The following EPB41L4A variants were observed in gnomAD, a reference collection of about 807,000 sequenced individuals.
The protein encoded by EPB41L4A is band 4.1-like protein 4A.
EPB41L4A carries 100 observed loss-of-function variants against 108.6 expected under a neutral mutation model. The observed-to-expected ratio is 0.92, with a 90% CI of 0.78 to 1.09. The LOEUF (loss-of-function observed/expected upper bound fraction) is 1.09, where lower values mean the gene tolerates loss of function less well. Among genes scored for constraint, EPB41L4A ranks in the 50% least tolerant of loss-of-function variants. The pLI is 0.00. For synonymous variants in EPB41L4A, 319 were observed against 289.0 expected (o/e 1.10, Z -1.05); for missense variants, 1,030 against 842.7 (o/e 1.22, Z -2.75).
At chr5:112,360,506 C>G (rs1277782703) in intron 1 of EPB41L4A, among the ~76,000 whole-genome samples, 1 of 152,206 alleles carries the variant, frequency 6.6e-6, no homozygotes, top group South Asian at 2.1e-4. Context: ...AGCTCCTGAC[C>G]GCGAGTGATC....
chr5:112,329,443 C>A (rs1756406693), intron 1 of EPB41L4A, among the ~76,000 whole-genome samples: 1 of 152,096 alleles, frequency 6.6e-6, no homozygotes, highest in African/African-American at 2.4e-5. Context: ...TAATACAAAC[C>A]CTCCCTATTT....
intron 22 of EPB41L4A, among the ~76,000 whole-genome samples, chr5:112,168,433 C>CT (rs1052277325): frequency 3.3e-5 from 5 of 152,178 alleles, no homozygotes; most frequent in African/African-American, 1.2e-4. Flanking sequence ...GTTACTATCG[C>CT]TTTTTAATTA....
Position 112,266,305 on chromosome 5 carries a change from G to A in EPB41L4A, c.361C>T (p.Gln121Ter). 1 of 1,606,476 alleles carries A rather than the reference G, an allele frequency of 6.2e-7. No individual in the cohort carries two copies. The highest frequency in any genetic ancestry group is 8.5e-7 in the Non-Finnish European group (1 of 1,176,654). Residue 121 changes from glutamine to a stop codon, truncating the protein, a stop_gained, in exon 5 of 23, where the codon CAA (glutamine) becomes TAA (stop). Transcript: ENST00000261486. LOFTEE classifies it high-confidence loss of function. ...GGCAGACGGCCCTGAAGGACATCTT[G>A]CTTCACCTGCAAGAAAAACTGATAT... ...TRYQFFLQVK[Q>*]DVLQGRLPCP...
At chr5:112,233,754 T>G (rs904814925) in intron 12 of EPB41L4A, among the ~76,000 whole-genome samples, 5 of 152,158 alleles carry the variant, frequency 3.3e-5, no homozygotes, top group African/African-American at 1.2e-4. Context: ...AGACTCTTGC[T>G]AAGAGTTTTT....
Position 112,307,498 on chromosome 5 carries a change from A to T in EPB41L4A, c.100-8T>A. ...GGAACCTTTCGTTGACTTCTGCAAA[A>T]ATAATTCAGTTTTATATTTTTTAAC... On this transcript the variant is annotated splice_polypyrimidine_tract_variant and splice_region_variant and intron_variant, in intron 1 of 22. Coordinates refer to ENST00000261486, the MANE Select transcript of EPB41L4A (RefSeq NM_022140.5). 1 of 1,598,806 alleles carries T rather than the reference A, an allele frequency of 6.3e-7. No homozygotes were observed. The highest frequency in any genetic ancestry group is 8.6e-7 in the Non-Finnish European group (1 of 1,166,740).
chr5:112,170,426 CTT>C, intron 19 of EPB41L4A, 57 bp from the exon 20 acceptor site: 1 of 1,116,838 alleles, frequency 9.0e-7, no homozygotes, highest in Non-Finnish European at 1.3e-6. Context: ...ATGCTAGTAT[CTT>C]TCACAATCGG....
At chr5:112,263,708 C>T (rs1316977774) in intron 6 of EPB41L4A, 3 of 152,152 alleles carry the variant, frequency 2.0e-5, no homozygotes, top group Non-Finnish European at 4.4e-5. Context: ...ACATAGAGGG[C>T]CTCTTTCTCT....
chr5:112,150,934 G>A (rs925234378), intron 12 of EPB41L4A, among the ~76,000 whole-genome samples: 1 of 152,130 alleles, frequency 6.6e-6, no homozygotes, highest in African/African-American at 2.4e-5. Context: ...CTCACTAAAT[G>A]AGCCTATAAG....
Position 112,262,677 on chromosome 5 carries a change from A to G in EPB41L4A, c.555-96T>C, listed in dbSNP as rs942739804. 6.6e-6 allele frequency: 7 copies of G among 1,066,194 alleles called. No homozygotes were observed. In the Admixed American group the frequency reaches 1.4e-4, roughly 21 times the overall value. The allele number at this position is 1,066,194 out of a possible 1,614,324, so 66.0% of individuals were successfully genotyped here. On this transcript the variant is annotated intron_variant, in intron 6 of 22. Transcript: ENST00000261486. The stretch of plus-strand genomic sequence containing the variant: ...TTCATTGTATTCAATGGGAAAACAA[A>G]TAATACTTTTTACTAATGCAAACTT...
At chr5:112,412,031 G>A (rs766441763) in intron 1 of EPB41L4A, among the ~76,000 whole-genome samples, 2 of 152,124 alleles carry the variant, frequency 1.3e-5, no homozygotes, top group Non-Finnish European at 2.9e-5. Flanking sequence ...TCAAGATGAG[G>A]ACTCCACATT....
chr5:112,313,525 A>T (rs1296204346), intron 1 of EPB41L4A, among the ~76,000 whole-genome samples: 1 of 152,184 alleles, frequency 6.6e-6, no homozygotes, highest in Non-Finnish European at 1.5e-5. Context: ...CGGGAGGTGG[A>T]GGCTGCAGTA....
chr5:112,164,792 C>T lies in EPB41L4A; in HGVS notation c.*198G>A, dbSNP rs559834990. 19 of 439,086 alleles carry T rather than the reference C, an allele frequency of 4.3e-5. No individual in the cohort carries two copies. The highest frequency in any genetic ancestry group is 4.3e-4 in the South Asian group (12 of 27,756). The allele number at this position is 439,086 out of a possible 1,614,324, so 27.2% of individuals were successfully genotyped here. On this transcript the variant is annotated 3_prime_UTR_variant, in exon 23 of 23. Transcript: ENST00000261486. The stretch of plus-strand genomic sequence containing the variant: ...GAGGCTGCGGTGAGCTGACACGGTG[C>T]CGCTGCACTCCAGCCTGGGCGACAG...
chr5:112,385,558 A>C (rs1010885187), intron 1 of EPB41L4A, among the ~76,000 whole-genome samples: 9 of 152,070 alleles, frequency 5.9e-5, no homozygotes, highest in Non-Finnish European at 1.2e-4. Context: ...CCAAAAGCAC[A>C]ATCAATTAAA....
At chr5:112,268,377 C>CA (rs1374027560) in intron 4 of EPB41L4A, among the ~76,000 whole-genome samples, 2 of 150,512 alleles carry the variant, frequency 1.3e-5, no homozygotes, top group African/African-American at 4.9e-5. Context: ...GACCCTGTCT[C>CA]AAAAAAACAA....
In EPB41L4A at chr5:112,346,216, ATTTTTTTT is replaced by A. The variant is rs561328868; in HGVS notation, c.100-38734_100-38727del. ...AATTCTTTAAAGTTAGGTACATTGC[ATTTTTTTT>A]TTTTTTTTTTTTTTTTTTTGAGAAG... On this transcript the variant is annotated intron_variant, in intron 1 of 22. Coordinates refer to ENST00000261486, the MANE Select transcript of EPB41L4A (RefSeq NM_022140.5). 2.7e-4 allele frequency among the ~76,000 whole-genome samples: 18 copies of A among 67,348 alleles called. No homozygotes were observed. In the South Asian group the frequency reaches 3.2e-3, roughly 12 times the overall value. The allele number at this position is 67,348 out of a possible 152,430, so 44.2% of individuals were successfully genotyped here. A position where few individuals can be genotyped will look rare whatever the true frequency, so the allele number is the denominator to read the frequency against.
intron 1 of EPB41L4A, among the ~76,000 whole-genome samples, chr5:112,319,279 A>G (rs1755615262): frequency 7.2e-6 from 1 of 138,392 alleles, no homozygotes; most frequent in Admixed American, 7.2e-5. Context: ...AAAAAAAATG[A>G]TAGTGTCAGA....
At position 112,284,961 on chromosome 5, in the gene EPB41L4A, T is replaced by C. The variant is rs187218105; in HGVS notation, c.205-4638A>G. Among the ~76,000 whole-genome samples the C allele has an allele frequency of 2.7e-4, 41 of 152,340 alleles. No individual in the cohort carries two copies. In the East Asian group the frequency reaches 6.8e-3, roughly 25 times the overall value. Reference sequence around the variant, plus strand: ...TCAGAATTAGGTTCTGAAACTCTAATAGTGCCCAGCCAATCAATATCCTAA... The same window carrying C: ...TCAGAATTAGGTTCTGAAACTCTAACAGTGCCCAGCCAATCAATATCCTAA... On this transcript the variant is annotated intron_variant, in intron 2 of 22. Transcript: ENST00000261486.
chr5:112,238,850 A>G (rs933638908), intron 11 of EPB41L4A, among the ~76,000 whole-genome samples: 2 of 152,240 alleles, frequency 1.3e-5, no homozygotes, highest in Non-Finnish European at 2.9e-5. Flanking sequence ...GAATGAATTG[A>G]AACAAGACAA....
Position 112,307,381 on chromosome 5 carries a change from C to G in EPB41L4A, c.204+5G>C. 6.3e-7 allele frequency: 1 copy of G among 1,591,582 alleles called. No individual in the cohort carries two copies. The highest frequency in any genetic ancestry group is 1.1e-5 in the South Asian group (1 of 90,214). ...AAAAATTTAACACAAAGTCACCTTA[C>G]TCACCGTCTGATGGCTTCTGTCACA... is the stretch of plus-strand genomic sequence containing the variant. On this transcript the variant is annotated splice_donor_5th_base_variant and intron_variant, in intron 2 of 22. Coordinates refer to ENST00000261486, the MANE Select transcript of EPB41L4A (RefSeq NM_022140.5).
Sources: gnomAD v4.1 joint callset for allele counts (sites outside exome capture counted in the v4.1 genomes callset) on GRCh38, gnomAD v4.1.1 for gene constraint, MANE v1.5 for transcripts, NCBI Gene and HGNC (gene_info 2026-07-23, HGNC 2026-07-21) for gene names.